KCNMB2: variants seen among roughly 807,000 people sequenced by gnomAD.
KCNMB2 encodes calcium-activated potassium channel subunit beta-2.
A neutral mutation model predicts 24.5 loss-of-function variants in KCNMB2; 9 were observed. That is an observed-to-expected ratio of 0.37 (90% CI 0.22 to 0.64). The LOEUF (loss-of-function observed/expected upper bound fraction) is 0.64. Ranked by LOEUF, KCNMB2 falls within the 30% of genes least tolerant of loss-of-function variation. The probability of loss-of-function intolerance (pLI) is 0.63; values close to 1 mark genes in which losing one functional copy is unlikely to be tolerated. For synonymous variants in KCNMB2, 109 were observed against 104.4 expected, an observed-to-expected ratio of 1.04 and a Z score of -0.27; for missense variants, 226 against 284.3, an observed-to-expected ratio of 0.79 and a Z score of 1.47.
At chr3:178,800,853 A>G (rs902903395) in intron 1 of KCNMB2, among the ~76,000 whole-genome samples, 1 of 152,164 alleles carries the variant, frequency 6.6e-6, no homozygotes, top group African/African-American at 2.4e-5. Context: ...CCATAAAAAA[A>G]TAGATCCTGT....
chr3:178,568,171 G>T (rs1393730106), intron 1 of KCNMB2, among the ~76,000 whole-genome samples: 3 of 151,976 alleles, frequency 2.0e-5, no homozygotes, highest in African/African-American at 7.2e-5. Context: ...AGTTAGACTT[G>T]GTTTATAATT....
intron 1 of KCNMB2, among the ~76,000 whole-genome samples, chr3:178,605,782 C>T (rs1718249696): frequency 6.6e-6 from 1 of 152,146 alleles, no homozygotes; most frequent in Non-Finnish European, 1.5e-5. Context: ...AACTTGCAAG[C>T]TTTGATATTT....
chr3:178,646,641 ATTAG>A (rs1719934905), intron 1 of KCNMB2, among the ~76,000 whole-genome samples: 1 of 152,232 alleles, frequency 6.6e-6, no homozygotes, highest in South Asian at 2.1e-4. Context: ...AGGTCTGAGA[ATTAG>A]TTAGGACTAC....
At chr3:178,690,436 G>A (rs192170207) in intron 1 of KCNMB2, among the ~76,000 whole-genome samples, 212 of 152,016 alleles carry the variant, frequency 1.4e-3, no homozygotes, top group Non-Finnish European at 2.3e-3. Flanking sequence ...TAGGAGAGAA[G>A]TGTGATAAAT....
chr3:178,827,843 A>G (rs1258873933), intron 3 of KCNMB2, among the ~76,000 whole-genome samples: 1 of 152,226 alleles, frequency 6.6e-6, no homozygotes, highest in African/African-American at 2.4e-5. Context: ...CCTACAATGT[A>G]GAAATACAGG....
intron 1 of KCNMB2, among the ~76,000 whole-genome samples, chr3:178,591,011 C>T (rs1231221315): frequency 6.6e-6 from 1 of 152,010 alleles, no homozygotes; most frequent in East Asian, 1.9e-4. Context: ...AAAACAAAGC[C>T]CAGATTAGTG....
At position 178,807,426 on chromosome 3, in the gene KCNMB2, G is replaced by A; in HGVS notation, c.17G>A (p.Ser6Asn). 6.2e-7 allele frequency: 1 copy of A among 1,613,860 alleles called. No homozygotes were observed. The highest frequency in any genetic ancestry group is 1.1e-5 in the South Asian group (1 of 91,048). MFIWT[S>N]GRTSSSYRHD... The stretch of plus-strand genomic sequence containing the variant: ...TTCTCTAAGATGTTTATATGGACCA[G>A]TGGCCGGACCTCTTCATCTTATAGA... The change falls in exon 2 of 5, where the codon AGT becomes AAT. Residue 6 changes from serine (S) to asparagine (N), a missense_variant. By Grantham distance (46) the Ser-to-Asn change is conservative. Coordinates refer to ENST00000452583, the MANE Select transcript of KCNMB2 (RefSeq NM_181361.3).
chr3:178,657,317 T>C (rs1040974549), intron 1 of KCNMB2, among the ~76,000 whole-genome samples: 2 of 152,240 alleles, frequency 1.3e-5, no homozygotes, highest in African/African-American at 2.4e-5. Flanking sequence ...TCTCTTTCAT[T>C]GCTGATTCTT....
intron 1 of KCNMB2, among the ~76,000 whole-genome samples, chr3:178,617,762 G>A (rs1396707703): frequency 1.3e-5 from 2 of 151,344 alleles, no homozygotes; most frequent in Non-Finnish European, 2.9e-5. Context: ...GTGGTGGTGG[G>A]TACCTGTAGT....
intron 1 of KCNMB2, among the ~76,000 whole-genome samples, chr3:178,727,326 A>G (rs1291830594): frequency 6.6e-6 from 1 of 151,910 alleles, no homozygotes; most frequent in Non-Finnish European, 1.5e-5. Context: ...ATAAATTGTC[A>G]CTCCCATTTA....
chr3:178,554,382 G>A (rs1478574628), intron 1 of KCNMB2, among the ~76,000 whole-genome samples: 1 of 152,096 alleles, frequency 6.6e-6, no homozygotes, highest in African/African-American at 2.4e-5. Context: ...ACTACAATTG[G>A]TACCAAAGAA....
chr3:178,635,585 T>C (rs1383804710), intron 1 of KCNMB2, among the ~76,000 whole-genome samples: 6 of 152,220 alleles, frequency 3.9e-5, no homozygotes, highest in African/African-American at 1.4e-4. Flanking sequence ...ATTTGGCATC[T>C]TGCCACATTC....
intron 1 of KCNMB2, among the ~76,000 whole-genome samples, chr3:178,764,568 TACTC>T (rs1315849329): frequency 2.0e-5 from 3 of 152,202 alleles, no homozygotes; most frequent in African/African-American, 4.8e-5. Flanking sequence ...CATTCTACGT[TACTC>T]ACAGGACAAA....
At chr3:178,730,033 G>T (rs1723093058) in intron 1 of KCNMB2, among the ~76,000 whole-genome samples, 1 of 152,164 alleles carries the variant, frequency 6.6e-6, no homozygotes, top group African/African-American at 2.4e-5. Context: ...GACCTCTAGA[G>T]AATCTTGCAT....
chr3:178,556,114 C>A (rs1716117255), intron 1 of KCNMB2, among the ~76,000 whole-genome samples: 1 of 152,222 alleles, frequency 6.6e-6, no homozygotes, highest in Admixed American at 6.5e-5. Flanking sequence ...ACAGTGCTGA[C>A]TGAAGTTCAG....
Position 178,783,272 on chromosome 3 carries a change from C to T in KCNMB2, c.-67-24071C>T, listed in dbSNP as rs1320846131. On this transcript the variant is annotated intron_variant, in intron 1 of 4. Transcript: ENST00000452583. ...TTGGCTTAGGATTGACTTGGCAATG[C>T]GGGCTCTTTTTTGGTTCCATATGAA... Among the ~76,000 whole-genome samples the T allele has an allele frequency of 3.5e-4, 52 of 150,290 alleles. 1 individual carries two copies. The South Asian group carries it at 9.8e-3, about 28-fold the overall frequency.
chr3:178,596,892 T>C (rs939021939), intron 1 of KCNMB2, among the ~76,000 whole-genome samples: 2 of 152,118 alleles, frequency 1.3e-5, no homozygotes, highest in Non-Finnish European at 2.9e-5. Context: ...AGATATACTT[T>C]ATTGGAGAAC....
chr3:178,840,942 T>C (rs1715405251), intron 4 of KCNMB2, among the ~76,000 whole-genome samples: 1 of 152,216 alleles, frequency 6.6e-6, no homozygotes, highest in Non-Finnish European at 1.5e-5. Flanking sequence ...GGGTTTTTCT[T>C]TTCTACCAAC....
chr3:178,608,168 G>T (rs1718346006), intron 1 of KCNMB2, among the ~76,000 whole-genome samples: 1 of 152,138 alleles, frequency 6.6e-6, no homozygotes, highest in Non-Finnish European at 1.5e-5. Context: ...CAGACACTAT[G>T]AATGCTTTGG....
Sources: allele counts gnomAD v4.1 joint callset (sites outside exome capture counted in the v4.1 genomes callset), GRCh38; gene constraint gnomAD v4.1.1; transcripts MANE v1.5; gene names NCBI Gene and HGNC (gene_info 2026-07-23, HGNC 2026-07-21).